The following HS3ST3A1 variants were observed in gnomAD, a reference collection of about 807,000 sequenced individuals.
HS3ST3A1 encodes the protein heparan sulfate-glucosamine 3-sulfotransferase 3A1, also known as heparan sulfate glucosamine 3-O-sulfotransferase 3A1.
A neutral mutation model predicts 25.7 loss-of-function variants in HS3ST3A1; 19 were observed. That is an observed-to-expected ratio of 0.74 (90% confidence interval 0.52 to 1.08). The LOEUF (loss-of-function observed/expected upper bound fraction) is 1.08, where lower values mean the gene tolerates loss of function less well. Ranked by LOEUF, HS3ST3A1 falls within the 50% of genes least tolerant of loss-of-function variation. The pLI is 0.00. For missense variants in HS3ST3A1, 459 were observed against 594.3 expected (o/e 0.77, Z 2.37); for synonymous variants, 226 against 278.6 (o/e 0.81, Z 1.88).
chr17:13,532,122 C>A (rs754225677), intron 1 of HS3ST3A1, among the ~76,000 whole-genome samples: 17 of 152,144 alleles, frequency 1.1e-4, no homozygotes, highest in African/African-American at 1.9e-4. Context: ...CTTGAAACAG[C>A]GTACTTTAAG....
intron 1 of HS3ST3A1, among the ~76,000 whole-genome samples, chr17:13,583,360 T>C (rs1311899622): frequency 1.3e-5 from 2 of 152,220 alleles, no homozygotes; most frequent in Non-Finnish European, 2.9e-5. Context: ...GAGTTTCTGG[T>C]CATGCAATGA....
At chr17:13,503,189 A>G (rs922026012) in intron 1 of HS3ST3A1, among the ~76,000 whole-genome samples, 5 of 151,368 alleles carry the variant, frequency 3.3e-5, no homozygotes, top group Non-Finnish European at 7.4e-5. Context: ...AAAAAAAAAA[A>G]AAGAAAAAAA....
chr17:13,550,279 A>G (rs1203396437), intron 1 of HS3ST3A1, among the ~76,000 whole-genome samples: 3 of 152,186 alleles, frequency 2.0e-5, no homozygotes, highest in Non-Finnish European at 4.4e-5. Context: ...CACCCAGCCT[A>G]TTCCCTCTTC....
At chr17:13,513,873 G>A (rs1208125192) in intron 1 of HS3ST3A1, among the ~76,000 whole-genome samples, 1 of 151,792 alleles carries the variant, frequency 6.6e-6, no homozygotes. Context: ...CTTCTATGAA[G>A]GTATTTATAT....
At chr17:13,546,597 C>A (rs1907095216) in intron 1 of HS3ST3A1, among the ~76,000 whole-genome samples, 1 of 152,210 alleles carries the variant, frequency 6.6e-6, no homozygotes, top group South Asian at 2.1e-4. Context: ...CGTTATCTTG[C>A]AGTAGATTTT....
At chr17:13,551,633 G>GT (rs1567621752) in intron 1 of HS3ST3A1, among the ~76,000 whole-genome samples, 2 of 144,822 alleles carry the variant, frequency 1.4e-5, no homozygotes. Context: ...AAAGGGGGGG[G>GT]GGTATTTTTA....
intron 1 of HS3ST3A1, among the ~76,000 whole-genome samples, chr17:13,534,831 G>C (rs1906721539): frequency 6.6e-6 from 1 of 152,020 alleles, no homozygotes; most frequent in African/African-American, 2.4e-5. Flanking sequence ...TTCGTGACCA[G>C]CCTGACTAAC....
At chr17:13,561,489 C>T (rs780789794) in intron 1 of HS3ST3A1, among the ~76,000 whole-genome samples, 2 of 151,536 alleles carry the variant, frequency 1.3e-5, no homozygotes, top group African/African-American at 2.4e-5. Context: ...TGGGTTTAAG[C>T]GATTCTCCTG....
intron 1 of HS3ST3A1, among the ~76,000 whole-genome samples, chr17:13,558,079 A>G (rs1395117371): frequency 6.6e-6 from 1 of 152,216 alleles, no homozygotes; most frequent in Admixed American, 6.5e-5. Context: ...CAGGAAAGCT[A>G]TAGTCCACCA....
intron 1 of HS3ST3A1, among the ~76,000 whole-genome samples, chr17:13,552,905 C>T (rs1381925657): frequency 6.6e-6 from 1 of 152,142 alleles, no homozygotes; most frequent in African/African-American, 2.4e-5. Context: ...AACTTCTTCC[C>T]TCTCTGGTAG....
At position 13,495,342 on chromosome 17, in the gene HS3ST3A1, C is replaced by CTTA. The variant is rs1205493390; in HGVS notation, c.*852_*854dup. 3.3e-5 allele frequency among the ~76,000 whole-genome samples: 5 copies of CTTA among 152,098 alleles called. No individual in the cohort carries two copies. The East Asian group carries it at 9.6e-4, about 29-fold the overall frequency. On this transcript the variant is annotated 3_prime_UTR_variant, in exon 2 of 2. Transcript: ENST00000284110. ...AAATAGCCAAGAGGCAAGACTGGCT[C>CTTA]TTAAGAGAGGTTGTGTCCAGGTCTC...
At chr17:13,574,575 G>C (rs1907901944) in intron 1 of HS3ST3A1, among the ~76,000 whole-genome samples, 1 of 151,792 alleles carries the variant, frequency 6.6e-6, no homozygotes, top group Non-Finnish European at 1.5e-5. Flanking sequence ...AAAATTAGCG[G>C]GACATGGTGG....
At chr17:13,509,082 T>C (rs1283140236) in intron 1 of HS3ST3A1, among the ~76,000 whole-genome samples, 4 of 152,138 alleles carry the variant, frequency 2.6e-5, no homozygotes, top group Non-Finnish European at 5.9e-5. Context: ...AAGGAAGTAC[T>C]TCCTGGCATT....
chr17:13,583,728 T>A (rs182090335), intron 1 of HS3ST3A1, among the ~76,000 whole-genome samples: 1 of 152,376 alleles, frequency 6.6e-6, no homozygotes, highest in East Asian at 1.9e-4. Flanking sequence ...TCACTCCACT[T>A]ATTTTAAATA....
At chr17:13,500,448 G>T (rs1905433329) in intron 1 of HS3ST3A1, among the ~76,000 whole-genome samples, 1 of 152,322 alleles carries the variant, frequency 6.6e-6, no homozygotes, top group Non-Finnish European at 1.5e-5. Context: ...ATTATAAAAG[G>T]TCTGAAGAAA....
chr17:13,588,830 C>T (rs548976975), intron 1 of HS3ST3A1, among the ~76,000 whole-genome samples: 1 of 152,052 alleles, frequency 6.6e-6, no homozygotes, highest in African/African-American at 2.4e-5. Flanking sequence ...ACTACAGGCG[C>T]CCACCACCAC....
At chr17:13,588,824 C>T (rs1307094718) in intron 1 of HS3ST3A1, among the ~76,000 whole-genome samples, 1 of 152,108 alleles carries the variant, frequency 6.6e-6, no homozygotes, top group African/African-American at 2.4e-5. Context: ...GCTGGGACTA[C>T]AGGCGCCCAC....
chr17:13,559,216 A>G (rs191594638), intron 1 of HS3ST3A1, among the ~76,000 whole-genome samples: 1 of 152,316 alleles, frequency 6.6e-6, no homozygotes. Context: ...ATGACAACAA[A>G]AAAAGAGACT....
chr17:13,512,936 T>G (rs2142309131), intron 1 of HS3ST3A1, among the ~76,000 whole-genome samples: 1 of 152,230 alleles, frequency 6.6e-6, no homozygotes, highest in East Asian at 1.9e-4. Context: ...AAATAATAGA[T>G]TTATATATTT....
Sources: gnomAD v4.1 joint callset for allele counts (sites outside exome capture counted in the v4.1 genomes callset) on GRCh38, gnomAD v4.1.1 for gene constraint, MANE v1.5 for transcripts, NCBI Gene and HGNC (gene_info 2026-07-23, HGNC 2026-07-21) for gene names.